VGLL3: variants seen among roughly 807,000 people sequenced by gnomAD.
VGLL3 encodes vestigial like family member 3, also known as transcription cofactor vestigial-like protein 3.
A neutral mutation model predicts 29.2 loss-of-function variants in VGLL3; 18 were observed. The observed-to-expected ratio is 0.62, with a 90% CI of 0.43 to 0.91. The LOEUF (loss-of-function observed/expected upper bound fraction) is 0.91, where lower values mean the gene tolerates loss of function less well. VGLL3 is among the 40% of genes least tolerant of loss of function. The probability of loss-of-function intolerance (pLI) is 0.00; values close to 1 mark genes in which losing one functional copy is unlikely to be tolerated. For missense variants in VGLL3, 440 were observed against 413.2 expected (o/e 1.06, Z -0.56); for synonymous variants, 180 against 151.8 (o/e 1.19, Z -1.36).
intron 2 of VGLL3, among the ~76,000 whole-genome samples, chr3:86,970,483 G>GCACGCACACACA (rs71619522): frequency 2.1e-5 from 3 of 141,200 alleles, no homozygotes; most frequent in Non-Finnish European, 4.6e-5. Flanking sequence ...TTACACACAC[G>GCACGCACACACA]CACACACACA....
intron 3 of VGLL3, among the ~76,000 whole-genome samples, chr3:86,950,596 A>T (rs1704596078): frequency 6.6e-6 from 1 of 152,216 alleles, no homozygotes; most frequent in South Asian, 2.1e-4. Flanking sequence ...CACTGCTTAG[A>T]AACACCCTGA....
intron 2 of VGLL3, among the ~76,000 whole-genome samples, chr3:86,970,508 C>CACAT (rs1465121528): frequency 6.6e-6 from 1 of 151,768 alleles, no homozygotes; most frequent in African/African-American, 2.4e-5. Flanking sequence ...CACACACACA[C>CACAT]ACACACACAC....
intron 2 of VGLL3, among the ~76,000 whole-genome samples, chr3:86,977,220 G>A: frequency 6.6e-6 from 1 of 152,022 alleles, no homozygotes; most frequent in Non-Finnish European, 1.5e-5. Context: ...AAGAAGGAGA[G>A]GAGAGGAGAA....
rs766327450 is a variant in VGLL3 at position 86,990,640 on chromosome 3, G to A, written c.104C>T (p.Pro35Leu). 2 of 1,373,898 alleles carry A rather than the reference G, an allele frequency of 1.5e-6. No individual in the cohort carries two copies. The highest frequency in any genetic ancestry group is 4.2e-5 in the South Asian group (2 of 47,226). 85.1% of individuals were successfully genotyped at this position (1,373,898 alleles called of 1,614,324 possible). A position where few individuals can be genotyped will look rare whatever the true frequency, so the allele number is the denominator to read the frequency against. ...CACCTGCTGGCCAGGTTGGGGCGCC[G>A]GCTGATAGTAGGCTGTGGGGCAGGT... ...ATTCPTAYYQ[P>L]APQPGQQKKL... The change falls in exon 1 of 4, where the codon CCG (proline) becomes CTG (leucine). Residue 35 changes from proline (P) to leucine (L), a missense_variant. Physicochemically the swap from Pro to Leu is moderately conservative, Grantham distance 98. Coordinates refer to ENST00000398399, the MANE Select transcript of VGLL3 (RefSeq NM_016206.4).
rs373730470 is a variant in VGLL3, at chr3:86,941,979, C to T, written c.*5045G>A. 6.6e-6 allele frequency: 1 copy of T among 152,060 alleles called. No individual in the cohort carries two copies. The highest frequency in any genetic ancestry group is 2.1e-4 in the South Asian group (1 of 4,820). The allele number at this position is 152,060 out of a possible 1,614,324, so 9.4% of individuals were successfully genotyped here. A position where few individuals can be genotyped will look rare whatever the true frequency, so the allele number is the denominator to read the frequency against. On this transcript the variant is annotated 3_prime_UTR_variant, in exon 4 of 4. Transcript: ENST00000398399. ...AGGTTATATGTTTGTTTTCAACATT[C>T]GTTTTTGAATGGATGTTGAAAGTTA...
At chr3:86,989,977 AC>A (rs1705545834) in intron 1 of VGLL3, among the ~76,000 whole-genome samples, 7 of 152,158 alleles carry the variant, frequency 4.6e-5, no homozygotes, top group Admixed American at 4.6e-4. Flanking sequence ...TGGCCGAGGG[AC>A]CCACTGTCAA....
At chr3:86,975,498 C>T in intron 2 of VGLL3, among the ~76,000 whole-genome samples, 1 of 151,812 alleles carries the variant, frequency 6.6e-6, no homozygotes, top group East Asian at 1.9e-4. Context: ...TAATTTAACC[C>T]CCTTATTTTA....
At chr3:86,965,513 G>T (rs919760302) in intron 3 of VGLL3, among the ~76,000 whole-genome samples, 3 of 152,158 alleles carry the variant, frequency 2.0e-5, no homozygotes, top group African/African-American at 7.2e-5. Flanking sequence ...TTTAAAAGGA[G>T]TTGGAAAAGT....
At chr3:86,973,462 A>G (rs1316544072) in intron 2 of VGLL3, among the ~76,000 whole-genome samples, 1 of 152,182 alleles carries the variant, frequency 6.6e-6, no homozygotes, top group African/African-American at 2.4e-5. Flanking sequence ...GTGAAATGAC[A>G]TGTGTTCCAG....
intron 3 of VGLL3, among the ~76,000 whole-genome samples, chr3:86,950,439 TAA>T (rs965381118): frequency 3.4e-4 from 52 of 152,184 alleles, no homozygotes; most frequent in African/African-American, 1.3e-3. Context: ...ACTAGGATTT[TAA>T]AAGAGGTGGT....
In VGLL3 at chr3:86,938,306, T is replaced by C. The variant is rs1704318995; in HGVS notation, c.*8718A>G. 6.6e-6 allele frequency: 1 copy of C among 152,400 alleles called. No homozygotes were observed. The highest frequency in any genetic ancestry group is 6.5e-5 in the Admixed American group (1 of 15,290). The allele number at this position is 152,400 out of a possible 1,614,324, so 9.4% of individuals were successfully genotyped here. ...AAAATGATAACACTGGACAGATTTT[T>C]CATGTAGCCATTTTCTTTTGGAAAC... On this transcript the variant is annotated 3_prime_UTR_variant, in exon 4 of 4. Transcript: ENST00000398399.
rs200166113 is a variant in VGLL3, at chr3:86,968,910, G to A, written c.617C>T (p.Ser206Phe). Residue 206 changes from serine to phenylalanine, a missense_variant, in exon 3 of 4, where the codon TCC becomes TTC. Transcript: ENST00000398399. ...CTGAGATGTCAAAGGATAAGGCCAGGACTCAGACACAGCAGGGGGAGGGGC... is the reference window on the plus strand; with the variant it reads ...CTGAGATGTCAAAGGATAAGGCCAGAACTCAGACACAGCAGGGGGAGGGGC... Reference protein sequence around the residue: ...GPAPPPAVSESWPYPLTSQVS... With the variant: ...GPAPPPAVSEFWPYPLTSQVS... 8 of 1,614,160 alleles carry A rather than the reference G, an allele frequency of 5.0e-6. No homozygotes were observed. Among genetic ancestry groups the A allele is most frequent in the South Asian group, 1.1e-5 (1 of 91,078 alleles).
At chr3:86,979,384 G>C (rs1705277070) in intron 1 of VGLL3, among the ~76,000 whole-genome samples, 1 of 152,160 alleles carries the variant, frequency 6.6e-6, no homozygotes, top group African/African-American at 2.4e-5. Context: ...TCTGTGTGAA[G>C]ATGCATTTTG....
intron 3 of VGLL3, chr3:86,963,203 CA>C (rs1704892352): frequency 6.5e-6 from 1 of 154,772 alleles, no homozygotes; most frequent in African/African-American, 2.4e-5. Flanking sequence ...GCTTATGCAT[CA>C]AATGCATAAA....
At chr3:86,964,945 G>T (rs1050582659) in intron 3 of VGLL3, among the ~76,000 whole-genome samples, 7 of 152,094 alleles carry the variant, frequency 4.6e-5, no homozygotes, top group Admixed American at 4.6e-4. Context: ...AGATGATGAG[G>T]TCAGGAGTTC....
At chr3:86,971,906 C>T (rs1307400476) in intron 2 of VGLL3, among the ~76,000 whole-genome samples, 3 of 152,228 alleles carry the variant, frequency 2.0e-5, no homozygotes, top group Non-Finnish European at 4.4e-5. Context: ...AGCCTTCATT[C>T]TGCTCCTAAC....
At chr3:86,949,766 A>G (rs910506293) in intron 3 of VGLL3, among the ~76,000 whole-genome samples, 24 of 150,540 alleles carry the variant, frequency 1.6e-4, no homozygotes, top group Non-Finnish European at 2.7e-4. Flanking sequence ...GGCAGAGCTC[A>G]CAGTGAGCCG....
chr3:86,969,570 T>G (rs1705046672), intron 2 of VGLL3, among the ~76,000 whole-genome samples: 1 of 152,206 alleles, frequency 6.6e-6, no homozygotes, highest in Non-Finnish European at 1.5e-5. Flanking sequence ...CAATTTTCAT[T>G]TAAATGAAAC....
chr3:86,949,268 C>T (rs368869863), intron 3 of VGLL3, among the ~76,000 whole-genome samples: 1 of 152,118 alleles, frequency 6.6e-6, no homozygotes, highest in East Asian at 1.9e-4. Context: ...GTCATTCTCT[C>T]GTTATAAATT....
Sources: gnomAD v4.1 joint callset for allele counts (sites outside exome capture counted in the v4.1 genomes callset) on GRCh38, gnomAD v4.1.1 for gene constraint, MANE v1.5 for transcripts, NCBI Gene and HGNC (gene_info 2026-07-23, HGNC 2026-07-21) for gene names.